The following PRDM16 variants were observed in gnomAD, a reference collection of about 807,000 sequenced individuals.
The protein encoded by PRDM16 is PR/SET domain 16.
In PRDM16, 23 loss-of-function variants were observed where a neutral mutation model predicts 110.6. The observed-to-expected ratio is 0.21, with a 90% confidence interval of 0.15 to 0.29. The LOEUF is 0.29. PRDM16 is among the 10% of genes least tolerant of loss of function. PRDM16 has a pLI of 1.00. For synonymous variants in PRDM16, 799 were observed against 781.8 expected (o/e 1.02, Z -0.37); for missense variants, 1,615 against 1,794.3 (o/e 0.90, Z 1.81).
intron 3 of PRDM16, among the ~76,000 whole-genome samples, chr1:3,354,590 G>T (rs35864930): frequency 0.19 from 29,239 of 152,104 alleles, 3,527 homozygotes; most frequent in East Asian, 0.45. Context: ...TCACAGAGGG[G>T]CCATGGGAGC....
chr1:3,326,330 A>G (rs1641909361), intron 3 of PRDM16, among the ~76,000 whole-genome samples: 1 of 152,198 alleles, frequency 6.6e-6, no homozygotes, highest in Non-Finnish European at 1.5e-5. Context: ...GCCCATCCTG[A>G]TTCCATGTGA....
At chr1:3,433,088 G>A (rs78855916) in intron 16 of PRDM16, among the ~76,000 whole-genome samples, 2,426 of 152,354 alleles carry the variant, frequency 0.016, 65 homozygotes, top group African/African-American at 0.055. Context: ...ACACGTGTCT[G>A]TAGTTTCTGC....
In PRDM16 at chr1:3,435,974, A is replaced by T. The variant is rs1065246; in HGVS notation, c.*2163A>T. The T allele has an allele frequency of 4.3e-6, 1 of 231,110 alleles. No homozygotes were observed. The highest frequency in any genetic ancestry group is 8.6e-6 in the Non-Finnish European group (1 of 116,836). 14.3% of individuals were successfully genotyped at this position (231,110 alleles called of 1,614,324 possible). On this transcript the variant is annotated 3_prime_UTR_variant, in exon 17 of 17. Transcript: ENST00000270722. ...CGGGGGAGCTGCCTGCAGAAGAGCC[A>T]GCTGGCGTGTCGGGAAGGATCCAGG... is the stretch of plus-strand genomic sequence containing the variant.
intron 3 of PRDM16, among the ~76,000 whole-genome samples, chr1:3,271,500 G>A (rs182494859): frequency 1.3e-5 from 2 of 152,222 alleles, no homozygotes; most frequent in Non-Finnish European, 2.9e-5. Flanking sequence ...ACCCAAGGCC[G>A]TTGTCCTGCA....
Position 3,405,639 on chromosome 1 carries a change from C to A in PRDM16, c.1177C>A (p.Pro393Thr). Reference sequence around the variant, plus strand: ...CAAGCATATCCACAGCACGGTGAAGCCTTTCATATGTGAGTGGTCGCCCAG... The same window carrying A: ...CAAGCATATCCACAGCACGGTGAAGACTTTCATATGTGAGTGGTCGCCCAG... ...QHKHIHSTVK[P>T]FICEVCHKSY... Residue 393 changes from proline to threonine, a missense_variant, in exon 8 of 17, where the codon CCT becomes ACT. Transcript: ENST00000270722. The A allele has an allele frequency of 6.3e-7, 1 of 1,594,230 alleles. No individual in the cohort carries two copies. The highest frequency in any genetic ancestry group is 8.5e-7 in the Non-Finnish European group (1 of 1,170,626).
At chr1:3,286,471 C>G (rs1013158168) in intron 3 of PRDM16, among the ~76,000 whole-genome samples, 2 of 152,108 alleles carry the variant, frequency 1.3e-5, no homozygotes, top group African/African-American at 4.8e-5. Context: ...CAGACGGCAA[C>G]ATGGCCACAA....
chr1:3,378,548 GC>G (rs1296770904), intron 3 of PRDM16, among the ~76,000 whole-genome samples: 1 of 152,160 alleles, frequency 6.6e-6, no homozygotes, highest in Non-Finnish European at 1.5e-5. Context: ...GTCTCCAGGG[GC>G]CTCCATCTCC....
chr1:3,304,813 C>T (rs1641277482), intron 3 of PRDM16, among the ~76,000 whole-genome samples: 1 of 152,180 alleles, frequency 6.6e-6, no homozygotes, highest in Non-Finnish European at 1.5e-5. Context: ...CACCGTGCCG[C>T]CCCTGTGGCC....
intron 10 of PRDM16, 51 bp downstream of exon 10, chr1:3,414,698 C>A: frequency 7.0e-7 from 1 of 1,433,568 alleles, no homozygotes; most frequent in Non-Finnish European, 9.8e-7. Flanking sequence ...CGCCAGTGGC[C>A]CCATCTCCCG....
rs1642659161 is a variant in PRDM16, at chr1:3,358,732, G to A, written c.439-26420G>A. ...GCCACGTGTGCGCGATCAGAGCTGA[G>A]TAACCTGCTCCAAACCCAGGACACT... On this transcript the variant is annotated intron_variant, in intron 3 of 16. Transcript: ENST00000270722. The surrounding 1 kb of genome is among the most constrained non-coding windows in gnomAD (Gnocchi z 4.0). Among the ~76,000 whole-genome samples the A allele has an allele frequency of 6.6e-6, 1 of 152,196 alleles. No individual in the cohort carries two copies. Among genetic ancestry groups the A allele is most frequent in the African/African-American group, 2.4e-5 (1 of 41,446 alleles).
chr1:3,069,790 G>A lies in PRDM16; in HGVS notation c.37+494G>A. Among the ~76,000 whole-genome samples, 1 of 152,036 alleles carries A rather than the reference G, an allele frequency of 6.6e-6. No homozygotes were observed. The highest frequency in any genetic ancestry group is 2.4e-5 in the African/African-American group (1 of 41,438). Reference sequence around the variant, plus strand: ...TTGAAATAGTGGGCGCTAGAGCACCGCCTTTGGCGTCCGCCAGCCGGGCGC... The same window carrying A: ...TTGAAATAGTGGGCGCTAGAGCACCACCTTTGGCGTCCGCCAGCCGGGCGC... On this transcript the variant is annotated intron_variant, in intron 1 of 16. Coordinates refer to ENST00000270722, the MANE Select transcript of PRDM16 (RefSeq NM_022114.4). This position sits in a 1 kb window ranked among gnomAD's most constrained non-coding sequence, Gnocchi z 6.1.
chr1:3,248,719 C>T (rs1639852025), intron 3 of PRDM16, among the ~76,000 whole-genome samples: 1 of 152,232 alleles, frequency 6.6e-6, no homozygotes, highest in African/African-American at 2.4e-5. Flanking sequence ...TCTGATAGCC[C>T]AGCCTTGCAT....
At chr1:3,130,389 C>T (rs1312393213) in intron 1 of PRDM16, among the ~76,000 whole-genome samples, 1 of 152,208 alleles carries the variant, frequency 6.6e-6, no homozygotes. Flanking sequence ...ACAACACCAG[C>T]CCTGGGGAGG....
intron 1 of PRDM16, among the ~76,000 whole-genome samples, chr1:3,162,366 C>G (rs1231457554): frequency 6.6e-6 from 1 of 152,200 alleles, no homozygotes. Context: ...CGCGAAGCCT[C>G]GGTTCCACTT....
chr1:3,155,252 G>A (rs917302177), intron 1 of PRDM16, among the ~76,000 whole-genome samples: 2 of 152,226 alleles, frequency 1.3e-5, no homozygotes, highest in South Asian at 4.1e-4. Flanking sequence ...CAGGCGGTGG[G>A]ACCCGGGGCC....
intron 3 of PRDM16, among the ~76,000 whole-genome samples, chr1:3,276,692 G>A (rs1174416710): frequency 2.6e-5 from 4 of 151,592 alleles, no homozygotes; most frequent in African/African-American, 9.7e-5. Flanking sequence ...CAGAGCCAGC[G>A]AGGGGTGCCG....
At chr1:3,185,158 C>T (rs2651928) in intron 1 of PRDM16, among the ~76,000 whole-genome samples, 48,547 of 151,970 alleles carry the variant, frequency 0.32, 8,955 homozygotes, top group African/African-American at 0.52. Context: ...GTCCAGACTC[C>T]TCCTCGCCCT....
intron 3 of PRDM16, among the ~76,000 whole-genome samples, chr1:3,295,854 G>A (rs578163623): frequency 3.5e-4 from 53 of 152,278 alleles, no homozygotes; most frequent in African/African-American, 1.2e-3. Flanking sequence ...CCGGAGGGCT[G>A]CCATGGGTCA....
chr1:3,392,381 G>A (rs567347117), intron 4 of PRDM16, among the ~76,000 whole-genome samples: 12 of 152,220 alleles, frequency 7.9e-5, no homozygotes, highest in African/African-American at 2.6e-4. Flanking sequence ...AGACAAGAAA[G>A]CCCAAAAGTT....
Sources: gnomAD v4.1 joint callset for allele counts (sites outside exome capture counted in the v4.1 genomes callset) on GRCh38, gnomAD v4.1.1 for gene constraint, Gnocchi (gnomAD v3.1) non-coding constraint, MANE v1.5 for transcripts, NCBI Gene and HGNC (gene_info 2026-07-23, HGNC 2026-07-21) for gene names.